KCNK9: variants seen among roughly 807,000 people sequenced by gnomAD.
The protein encoded by KCNK9 is potassium two pore domain channel subfamily K member 9, also known as potassium channel subfamily K member 9.
A neutral mutation model predicts 10.8 loss-of-function variants in KCNK9; 1 was observed. That is an observed-to-expected ratio of 0.09 (90% CI 0.03 to 0.44). The LOEUF is 0.44. KCNK9 is among the 20% of genes least tolerant of loss of function. The probability of loss-of-function intolerance (pLI) is 0.97; values close to 1 mark genes in which losing one functional copy is unlikely to be tolerated. For synonymous variants in KCNK9, 231 were observed against 222.7 expected (o/e 1.04, Z -0.33); for missense variants, 303 against 515.0 (o/e 0.59, Z 3.98).
intron 2 of KCNK9, among the ~76,000 whole-genome samples, chr8:139,606,342 A>G (rs2130077120): frequency 6.6e-6 from 1 of 152,262 alleles, no homozygotes; most frequent in South Asian, 2.1e-4. Flanking sequence ...CTTACTGCAC[A>G]GTCACAAAAA....
intron 1 of KCNK9, among the ~76,000 whole-genome samples, chr8:139,673,170 AAGT>A (rs1816474460): frequency 6.6e-6 from 1 of 151,878 alleles, no homozygotes. Flanking sequence ...TAGAGACAGA[AAGT>A]AGGTTAGTGG....
At chr8:139,605,766 A>G (rs1817472997) in intron 2 of KCNK9, among the ~76,000 whole-genome samples, 1 of 152,254 alleles carries the variant, frequency 6.6e-6, no homozygotes, top group African/African-American at 2.4e-5. Flanking sequence ...GTTACAAAAG[A>G]AAGATGCAAA....
chr8:139,685,765 T>G (rs1216445398), intron 1 of KCNK9, among the ~76,000 whole-genome samples: 2 of 152,168 alleles, frequency 1.3e-5, no homozygotes, highest in Non-Finnish European at 2.9e-5. Flanking sequence ...GTCTTTACAG[T>G]AGCATGATTT....
At chr8:139,624,868 C>G (rs1814915957) in intron 1 of KCNK9, among the ~76,000 whole-genome samples, 1 of 152,196 alleles carries the variant, frequency 6.6e-6, no homozygotes, top group South Asian at 2.1e-4. Context: ...AGGGGACAGT[C>G]ATTGTAAAAA....
chr8:139,665,449 T>TTAAGCTCAGGTGA (rs1816274567), intron 1 of KCNK9, among the ~76,000 whole-genome samples: 1 of 152,248 alleles, frequency 6.6e-6, no homozygotes, highest in Non-Finnish European at 1.5e-5. Context: ...TCGCCCTTTC[T>TTAAGCTCAGGTGA]TAAGCTCAGG....
intron 1 of KCNK9, among the ~76,000 whole-genome samples, chr8:139,671,178 G>A (rs1816417826): frequency 6.6e-6 from 1 of 152,234 alleles, no homozygotes; most frequent in Non-Finnish European, 1.5e-5. Flanking sequence ...AGAAGCTCAT[G>A]TGCAGAGGAG....
chr8:139,652,700 T>A (rs534365765), intron 1 of KCNK9, among the ~76,000 whole-genome samples: 2 of 152,204 alleles, frequency 1.3e-5, no homozygotes, highest in Non-Finnish European at 2.9e-5. Context: ...GAAAAAGTGC[T>A]GCATGATGAT....
intron 1 of KCNK9, among the ~76,000 whole-genome samples, chr8:139,652,499 T>C (rs112410652): frequency 5.9e-4 from 90 of 152,256 alleles, no homozygotes; most frequent in African/African-American, 2.0e-3. Context: ...CTTCCCTCTC[T>C]GCCTTGCACC....
chr8:139,630,703 A>C (rs1815139146), intron 1 of KCNK9, among the ~76,000 whole-genome samples: 2 of 152,192 alleles, frequency 1.3e-5, no homozygotes, highest in Admixed American at 6.5e-5. Flanking sequence ...GGTGCGTAGA[A>C]GGCCTTCTCC....
At chr8:139,661,924 G>A (rs1390835322) in intron 1 of KCNK9, among the ~76,000 whole-genome samples, 1 of 152,226 alleles carries the variant, frequency 6.6e-6, no homozygotes, top group African/African-American at 2.4e-5. Flanking sequence ...TGTTCCTGTG[G>A]GGAGGGACTG....
intron 1 of KCNK9, among the ~76,000 whole-genome samples, chr8:139,670,532 A>G (rs1816402910): frequency 6.6e-6 from 1 of 152,242 alleles, no homozygotes; most frequent in African/African-American, 2.4e-5. Context: ...AGATGATTTA[A>G]AGTATACAGA....
intron 2 of KCNK9, among the ~76,000 whole-genome samples, chr8:139,603,275 C>CGT (rs1161771032): frequency 2.6e-5 from 4 of 152,154 alleles, no homozygotes; most frequent in African/African-American, 9.7e-5. Flanking sequence ...CACAAGCACC[C>CGT]GTGTGTTTGG....
At chr8:139,665,397 C>T (rs541648201) in intron 1 of KCNK9, among the ~76,000 whole-genome samples, 7 of 152,204 alleles carry the variant, frequency 4.6e-5, no homozygotes, top group Admixed American at 1.3e-4. Context: ...CTTATAAAGA[C>T]GCTGATATCA....
intron 1 of KCNK9, among the ~76,000 whole-genome samples, chr8:139,651,427 A>G (rs2129675606): frequency 6.6e-6 from 1 of 152,348 alleles, no homozygotes; most frequent in Admixed American, 6.5e-5. Flanking sequence ...TAGCCACAGG[A>G]GGGGACAAAA....
intron 1 of KCNK9, among the ~76,000 whole-genome samples, chr8:139,700,892 C>T (rs1294137573): frequency 6.6e-6 from 1 of 152,174 alleles, no homozygotes; most frequent in Non-Finnish European, 1.5e-5. Context: ...ATCCTCTCCT[C>T]GATGTTGTCG....
intron 1 of KCNK9, among the ~76,000 whole-genome samples, chr8:139,657,465 G>GC (rs1816049420): frequency 6.6e-6 from 1 of 152,174 alleles, no homozygotes; most frequent in Admixed American, 6.5e-5. Flanking sequence ...TGTGGCAGCT[G>GC]CCAGGGACAC....
intron 1 of KCNK9, among the ~76,000 whole-genome samples, chr8:139,666,294 T>C (rs1586676396): frequency 6.6e-6 from 1 of 152,196 alleles, no homozygotes; most frequent in Non-Finnish European, 1.5e-5. Flanking sequence ...AGTCATCCTA[T>C]TGTGTAGGGT....
intron 1 of KCNK9, among the ~76,000 whole-genome samples, chr8:139,679,320 G>C (rs1037654806): frequency 6.6e-6 from 1 of 152,342 alleles, no homozygotes; most frequent in Middle Eastern, 3.4e-3. Context: ...GGCAGGATGC[G>C]GAATGGCAGG....
In KCNK9 at chr8:139,601,289, C is replaced by T. The variant is rs1817361868; in HGVS notation, c.*313G>A. 2.0e-5 allele frequency: 3 copies of T among 152,184 alleles called. No homozygotes were observed. In the South Asian group the frequency reaches 6.2e-4, roughly 32 times the overall value. The allele number at this position is 152,184 out of a possible 1,614,324, so 9.4% of individuals were successfully genotyped here. A position where few individuals can be genotyped will look rare whatever the true frequency, so the allele number is the denominator to read the frequency against. Reference sequence around the variant, plus strand: ...TGTGGCCCGGCCTTTAAGAGGTTGTCTGGGCTATGCCAGCGAGCCAGGCAC... The same window carrying T: ...TGTGGCCCGGCCTTTAAGAGGTTGTTTGGGCTATGCCAGCGAGCCAGGCAC... On this transcript the variant is annotated 3_prime_UTR_variant, in exon 3 of 3. Coordinates refer to the KCNK9 transcript ENST00000650269.
Sources: allele counts gnomAD v4.1 joint callset (sites outside exome capture counted in the v4.1 genomes callset), GRCh38; gene constraint gnomAD v4.1.1; transcripts MANE v1.5; gene names NCBI Gene and HGNC (gene_info 2026-07-23, HGNC 2026-07-21).